Variants in ABCB1 observed in about 807,000 individuals in gnomAD.
ABCB1 encodes ATP-dependent translocase ABCB1.
A neutral mutation model predicts 142.0 loss-of-function variants in ABCB1; 69 were observed. The observed-to-expected ratio is 0.49, with a 90% CI of 0.40 to 0.59. The LOEUF is 0.59. ABCB1 is among the 20% of genes least tolerant of loss of function. ABCB1 has a pLI of 0.00. For missense variants in ABCB1, 1,326 were observed against 1,554.7 expected, an observed-to-expected ratio of 0.85 and a Z score of 2.47; for synonymous variants, 532 against 539.2, an observed-to-expected ratio of 0.99 and a Z score of 0.18.
chr7:87,652,753 A>G (rs993471017), intron 1 of ABCB1, among the ~76,000 whole-genome samples: 2 of 151,584 alleles, frequency 1.3e-5, no homozygotes, highest in Non-Finnish European at 2.9e-5. Context: ...TTTAATATAT[A>G]GCAAATTGCT....
intron 1 of ABCB1, among the ~76,000 whole-genome samples, chr7:87,655,437 G>A (rs1388844202): frequency 1.3e-5 from 2 of 152,066 alleles, no homozygotes; most frequent in African/African-American, 2.4e-5. Flanking sequence ...GATGACCCAG[G>A]AGACATTATG....
intron 4 of ABCB1, among the ~76,000 whole-genome samples, chr7:87,581,859 A>T (rs1342246978): frequency 6.6e-6 from 1 of 152,148 alleles, no homozygotes. Context: ...CCATGGAGAG[A>T]TAATGAGGTT....
In ABCB1 at chr7:87,674,137, C is replaced by T. The variant is rs117546457; in HGVS notation, c.-331+39024G>A. 2.4e-3 allele frequency among the ~76,000 whole-genome samples: 362 copies of T among 152,308 alleles called. 14 individuals carry two copies. The East Asian group carries it at 0.061, about 26-fold the overall frequency. On this transcript the variant is annotated intron_variant, in intron 1 of 28. Coordinates refer to the ABCB1 transcript ENST00000265724. ...GTCACAATACTCCTATGGGTGGTAC[C>T]GGCCAAACCACTTCATCGAGGTGGT...
At chr7:87,646,491 T>C (rs1342158294) in intron 1 of ABCB1, among the ~76,000 whole-genome samples, 1 of 152,186 alleles carries the variant, frequency 6.6e-6, no homozygotes, top group Non-Finnish European at 1.5e-5. Context: ...TGCATTACTA[T>C]CTTAAATGGC....
intron 1 of ABCB1, among the ~76,000 whole-genome samples, chr7:87,638,774 A>G (rs1057461842): frequency 1.4e-4 from 21 of 152,106 alleles, no homozygotes; most frequent in Non-Finnish European, 2.2e-4. Flanking sequence ...TTTTCAAAGA[A>G]CCAGCGTTTG....
chr7:87,544,708 G>A, intron 16 of ABCB1, 115 bp downstream of exon 16: 1 of 1,009,676 alleles, frequency 9.9e-7, no homozygotes, highest in Non-Finnish European at 1.5e-6. Context: ...TGGGGGATAG[G>A]ACAGGAGGAT....
At chr7:87,583,628 C>T (rs544010031) in intron 4 of ABCB1, among the ~76,000 whole-genome samples, 1 of 152,274 alleles carries the variant, frequency 6.6e-6, no homozygotes, top group East Asian at 1.9e-4. Flanking sequence ...CATACAGACA[C>T]ATGGGCCTAT....
chr7:87,588,158 T>G (rs1474800429), intron 3 of ABCB1, among the ~76,000 whole-genome samples: 11 of 50,148 alleles, frequency 2.2e-4, no homozygotes, highest in Non-Finnish European at 5.8e-4. Flanking sequence ...TTCCTTTTGT[T>G]TTTTTTTTTA....
chr7:87,662,611 T>C (rs1824826151), intron 1 of ABCB1, among the ~76,000 whole-genome samples: 1 of 152,144 alleles, frequency 6.6e-6, no homozygotes, highest in African/African-American at 2.4e-5. Flanking sequence ...CATTGGTCTA[T>C]GTATCTCTTT....
chr7:87,652,779 G>T (rs1419954457), intron 1 of ABCB1, among the ~76,000 whole-genome samples: 1 of 151,610 alleles, frequency 6.6e-6, no homozygotes, highest in African/African-American at 2.4e-5. Flanking sequence ...TTTTGGAGAA[G>T]TCATGATTAT....
At chr7:87,710,688 T>G in intron 1 of ABCB1, 1 of 1,200,774 alleles carries the variant, frequency 8.3e-7, no homozygotes, top group Non-Finnish European at 1.2e-6. Flanking sequence ...CTAATATATA[T>G]TTGAAAGAAT....
At chr7:87,634,587 A>G (rs1284851638) in intron 1 of ABCB1, among the ~76,000 whole-genome samples, 1 of 151,412 alleles carries the variant, frequency 6.6e-6, no homozygotes, top group African/African-American at 2.4e-5. Flanking sequence ...GAGATTCACT[A>G]CTTCACCCCA....
At chr7:87,667,967 CAG>C (rs1225971197) in intron 1 of ABCB1, among the ~76,000 whole-genome samples, 1 of 151,924 alleles carries the variant, frequency 6.6e-6, no homozygotes, top group Non-Finnish European at 1.5e-5. Flanking sequence ...GTGTCTCTTC[CAG>C]GTTTGGGTAT....
intron 8 of ABCB1, among the ~76,000 whole-genome samples, chr7:87,554,455 T>C (rs1176274469): frequency 6.6e-6 from 1 of 152,186 alleles, no homozygotes; most frequent in African/African-American, 2.4e-5. Flanking sequence ...AGAGGTTACA[T>C]GTGTGAGAGC....
chr7:87,512,676 C>T (rs1425118786), intron 25 of ABCB1, among the ~76,000 whole-genome samples: 1 of 152,184 alleles, frequency 6.6e-6, no homozygotes, highest in Non-Finnish European at 1.5e-5. Context: ...TTATTCAGGG[C>T]TACTCATTGA....
At chr7:87,640,851 T>C (rs1032240151) in intron 1 of ABCB1, among the ~76,000 whole-genome samples, 1 of 152,272 alleles carries the variant, frequency 6.6e-6, no homozygotes, top group Admixed American at 6.5e-5. Context: ...TAATTTCAGG[T>C]AGTTCCAGAA....
intron 1 of ABCB1, among the ~76,000 whole-genome samples, chr7:87,703,077 A>G (rs774443540): frequency 6.6e-6 from 1 of 152,216 alleles, no homozygotes; most frequent in Non-Finnish European, 1.5e-5. Flanking sequence ...TGAAACATTA[A>G]GTAGAAAATA....
rs756800740 is a variant in ABCB1 at position 87,550,201 on chromosome 7, C to T, written c.1320G>A (p.Met440Ile). ...GCGKSTTVQL[M>I]QRLYDPTEGM... ...CCTCTGTGGGGTCATAGAGCCTCTG[C>T]ATCAGCTGGACTGTTGTGCTCTTCC... Residue 440 changes from methionine (M) to isoleucine (I), a missense_variant, in exon 12 of 28, where the codon ATG becomes ATA. Coordinates refer to ENST00000622132, the MANE Select transcript of ABCB1 (RefSeq NM_001348946.2). 2 of 1,614,210 alleles carry T rather than the reference C, an allele frequency of 1.2e-6. No homozygotes were observed. The highest frequency in any genetic ancestry group is 1.7e-6 in the Non-Finnish European group (2 of 1,180,038).
chr7:87,562,419 G>C (rs907679258), intron 7 of ABCB1, among the ~76,000 whole-genome samples: 2 of 152,112 alleles, frequency 1.3e-5, no homozygotes, highest in African/African-American at 4.8e-5. Flanking sequence ...GGTGGCCAGC[G>C]CCATCCCTTA....
Sources: allele counts gnomAD v4.1 joint callset (sites outside exome capture counted in the v4.1 genomes callset), GRCh38; gene constraint gnomAD v4.1.1; transcripts MANE v1.5; gene names NCBI Gene and HGNC (gene_info 2026-07-23, HGNC 2026-07-21).